The following RRM1 variants were observed in gnomAD, a reference collection of about 807,000 sequenced individuals.
RRM1 encodes ribonucleotide reductase catalytic subunit M1.
A neutral mutation model predicts 101.5 loss-of-function variants in RRM1; 19 were observed. The observed-to-expected ratio is 0.19, with a 90% CI of 0.13 to 0.27. RRM1 has a LOEUF of 0.27. Among genes scored for constraint, RRM1 ranks in the 10% least tolerant of loss-of-function variants. RRM1 has a pLI of 1.00. For synonymous variants in RRM1, 298 were observed against 323.4 expected, an observed-to-expected ratio of 0.92 and a Z score of 0.84; for missense variants, 500 against 962.9, an observed-to-expected ratio of 0.52 and a Z score of 6.36.
intron 7 of RRM1, among the ~76,000 whole-genome samples, chr11:4,116,558 C>T (rs1219209568): frequency 6.6e-6 from 1 of 152,186 alleles, no homozygotes; most frequent in Non-Finnish European, 1.5e-5. Context: ...TGCCACTGTA[C>T]TGCAGCCTGG....
At chr11:4,119,541 C>T (rs1162138197) in intron 8 of RRM1, among the ~76,000 whole-genome samples, 2 of 152,170 alleles carry the variant, frequency 1.3e-5, no homozygotes, top group East Asian at 3.9e-4. Flanking sequence ...ATATAACGAC[C>T]TTTAGAAGAT....
chr11:4,117,049 A>G (rs940820142), intron 7 of RRM1, among the ~76,000 whole-genome samples: 17 of 152,216 alleles, frequency 1.1e-4, no homozygotes, highest in African/African-American at 3.6e-4. Context: ...AATGCATGGA[A>G]GAAGAAACTT....
In RRM1 at chr11:4,117,548, T is replaced by G. The variant is rs375702665; in HGVS notation, c.651-772T>G. Among the ~76,000 whole-genome samples, 25 of 152,322 alleles carry G rather than the reference T, an allele frequency of 1.6e-4. No individual in the cohort carries two copies. In the East Asian group the frequency reaches 4.2e-3, roughly 26 times the overall value. On this transcript the variant is annotated intron_variant, in intron 7 of 18. Transcript: ENST00000300738. ...CAAGTTGCAGAATGATAAACAGATA[T>G]GCAACCAGAAAAATTCTAAGTGTAT...
chr11:4,134,140 G>A (rs1013500918), intron 17 of RRM1, among the ~76,000 whole-genome samples: 1 of 151,864 alleles, frequency 6.6e-6, no homozygotes, highest in South Asian at 2.1e-4. Flanking sequence ...CTGCCACCAC[G>A]CCCGGCTGTT....
chr11:4,127,174 A>G lies in RRM1; in HGVS notation c.1610A>G (p.Tyr537Cys), dbSNP rs376891198. The G allele has an allele frequency of 4.3e-6, 7 of 1,613,816 alleles. No individual in the cohort carries two copies. The South Asian group carries it at 5.5e-5, about 13-fold the overall frequency. Residue 537 changes from tyrosine (Y) to cysteine (C), a missense_variant, in exon 14 of 19, where the codon TAT becomes TGT. Transcript: ENST00000300738. ...LNKQIFETIY[Y>C]GALEASCDLA... is the part of the protein sequence containing the mutation. ...AAGCAGATCTTTGAAACTATTTATTATGGTGCTCTGGAAGCCAGCTGTGAC... is the reference window on the plus strand; with the variant it reads ...AAGCAGATCTTTGAAACTATTTATTGTGGTGCTCTGGAAGCCAGCTGTGAC...
rs376733102 is a variant in RRM1 at position 4,109,687 on chromosome 11, A to G, written c.431A>G (p.Asn144Ser). 3 of 1,607,416 alleles carry G rather than the reference A, an allele frequency of 1.9e-6. No homozygotes were observed. Among genetic ancestry groups the G allele is most frequent in the Non-Finnish European group, 1.7e-6 (2 of 1,176,632 alleles). The change falls in exon 5 of 19, where the codon AAT becomes AGT. Residue 144 changes from asparagine to serine, a missense_variant. Physicochemically the swap from Asn to Ser is conservative, Grantham distance 46. Transcript: ENST00000300738. ...ATCTATGACCGAGATTTCTCTTACA[A>G]TTACTTCGGCTTTAAGGTAAATAAT... is the stretch of plus-strand genomic sequence containing the variant. ...AIIYDRDFSY[N>S]YFGFKTLERS...
intron 14 of RRM1, 73 bp from the exon 15 acceptor site, chr11:4,129,000 AT>A: frequency 1.3e-6 from 1 of 781,988 alleles, no homozygotes; most frequent in Non-Finnish European, 2.0e-6. Context: ...GCAGCTAGTC[AT>A]TTGTGGGTTT....
At position 4,094,931 on chromosome 11, in the gene RRM1, C is replaced by A; in HGVS notation, c.-82C>A. 6.8e-7 allele frequency: 1 copy of A among 1,465,770 alleles called. No individual in the cohort carries two copies. Among genetic ancestry groups the A allele is most frequent in the Non-Finnish European group, 9.4e-7 (1 of 1,068,908 alleles). The allele number at this position is 1,465,770 out of a possible 1,614,324, so 90.8% of individuals were successfully genotyped here. On this transcript the variant is annotated 5_prime_UTR_variant, in exon 1 of 19. Transcript: ENST00000300738. Reference sequence around the variant, plus strand: ...AGCGCCTGGAACCTAACCCTTCCCACTCTGTCACCTTCTCGATCCCGCCGG... The same window carrying A: ...AGCGCCTGGAACCTAACCCTTCCCAATCTGTCACCTTCTCGATCCCGCCGG...
At chr11:4,125,836 C>G (rs939890199) in intron 12 of RRM1, among the ~76,000 whole-genome samples, 3 of 152,114 alleles carry the variant, frequency 2.0e-5, no homozygotes, top group Non-Finnish European at 4.4e-5. Flanking sequence ...GTGATTCAAG[C>G]TATATTTAAA....
At chr11:4,136,602 G>A (rs2094610400) in intron 18 of RRM1, among the ~76,000 whole-genome samples, 1 of 151,766 alleles carries the variant, frequency 6.6e-6, no homozygotes, top group Non-Finnish European at 1.5e-5. Context: ...CTGTTGCCCA[G>A]GCTGGAGTGC....
Position 4,106,181 on chromosome 11 carries a change from G to A in RRM1, c.244G>A (p.Ala82Thr), listed in dbSNP as rs1015853156. ...CTATGCTATCCTGGCAGCCAGGATC[G>A]CTGTCTCTAACTTGCACAAAGAAAC... ...PDYAILAARI[A>T]VSNLHKETKK... The change falls in exon 3 of 19, where the codon GCT becomes ACT. Residue 82 changes from alanine (A) to threonine (T), a missense_variant. By Grantham distance (58) the Ala-to-Thr change is moderately conservative (BLOSUM62 0). Coordinates refer to ENST00000300738, the MANE Select transcript of RRM1 (RefSeq NM_001033.5). The A allele has an allele frequency of 8.7e-6, 14 of 1,613,600 alleles. No individual in the cohort carries two copies. Among genetic ancestry groups the A allele is most frequent in the Non-Finnish European group, 8.5e-7 (1 of 1,179,928 alleles).
Position 4,123,249 on chromosome 11 carries a change from G to A in RRM1, c.1185G>A (p.Glu395=), listed in dbSNP as rs2094584512. 1.9e-6 allele frequency: 3 copies of A among 1,614,080 alleles called. No homozygotes were observed. Among genetic ancestry groups the A allele is most frequent in the East Asian group, 2.2e-5 (1 of 44,880 alleles). Residue 395 remains glutamate (E), a synonymous_variant, in exon 12 of 19, where the codon GAG becomes GAA. Transcript: ENST00000300738. The stretch of plus-strand genomic sequence containing the variant: ...AGCAGCTTTGGTATGCCATCATTGA[G>A]TCTCAGACGGAAACAGGCACCCCGT... ...KAQQLWYAII[E]SQTETGTPYM...
chr11:4,095,881 G>T (rs747950647), intron 1 of RRM1, among the ~76,000 whole-genome samples: 2 of 152,204 alleles, frequency 1.3e-5, no homozygotes, highest in Non-Finnish European at 2.9e-5. Context: ...TTTAACAACC[G>T]CATGAGATAC....
intron 6 of RRM1, 115 bp downstream of exon 6, chr11:4,111,755 A>G: frequency 8.2e-7 from 1 of 1,218,622 alleles, no homozygotes; most frequent in Non-Finnish European, 1.1e-6. Flanking sequence ...TTTGGACTTT[A>G]GGTTTAGTTT....
chr11:4,121,430 A>G (rs2094581720), intron 9 of RRM1, 174 bp from the exon 10 acceptor site: 3 of 475,032 alleles, frequency 6.3e-6, no homozygotes, highest in Non-Finnish European at 1.1e-5. Flanking sequence ...GAATTGTAAA[A>G]TATTACTTTT....
intron 7 of RRM1, 139 bp from the exon 8 acceptor site, chr11:4,118,181 T>C: frequency 1.2e-6 from 1 of 849,554 alleles, no homozygotes; most frequent in Non-Finnish European, 1.8e-6. Flanking sequence ...GTGGGTTTTC[T>C]TCTTTGAAAA....
chr11:4,111,732 C>T (rs2094565859), intron 6 of RRM1, 92 bp downstream of exon 6: 2 of 1,274,092 alleles, frequency 1.6e-6, no homozygotes, highest in South Asian at 2.8e-5. Context: ...CTTGCTTAGA[C>T]TCTAGATAAC....
Position 4,095,054 on chromosome 11 carries a change from G to A in RRM1, c.19+23G>A, listed in dbSNP as rs373184192. 1.3e-4 allele frequency: 198 copies of A among 1,564,478 alleles called. 1 individual carries two copies. The highest frequency in any genetic ancestry group is 1.7e-4 in the Non-Finnish European group (192 of 1,155,076). On this transcript the variant is annotated intron_variant, in intron 1 of 18. Transcript: ENST00000300738. Reference sequence around the variant, plus strand: ...GAGGTGAGGGGGGGACGAGGTGGGCGAGAAGGAAGGTGAGGGGATGCGGGC... The same window carrying A: ...GAGGTGAGGGGGGGACGAGGTGGGCAAGAAGGAAGGTGAGGGGATGCGGGC...
intron 11 of RRM1, among the ~76,000 whole-genome samples, chr11:4,122,635 A>G (rs1372463211): frequency 6.6e-6 from 1 of 152,172 alleles, no homozygotes; most frequent in African/African-American, 2.4e-5. Context: ...CACTTTGGGA[A>G]GATGAGGCAG....
Sources: allele counts gnomAD v4.1 joint callset (sites outside exome capture counted in the v4.1 genomes callset), GRCh38; gene constraint gnomAD v4.1.1; transcripts MANE v1.5; gene names NCBI Gene and HGNC (gene_info 2026-07-23, HGNC 2026-07-21).